Variants in RASSF3 observed in about 807,000 individuals in gnomAD.
RASSF3 encodes Ras association domain family member 3.
RASSF3 carries 19 observed loss-of-function variants against 19.9 expected under a neutral mutation model. The ratio of observed to expected loss-of-function variants is 0.96; its 90% CI spans 0.67 to 1.40. RASSF3 has a LOEUF of 1.40. Among genes scored for constraint, RASSF3 ranks in the 40% most tolerant of loss-of-function variants. The probability of loss-of-function intolerance (pLI) is 0.00; values close to 1 mark genes in which losing one functional copy is unlikely to be tolerated. For missense variants in RASSF3, 306 were observed against 289.8 expected, an observed-to-expected ratio of 1.06 and a Z score of -0.41; for synonymous variants, 110 against 104.2, an observed-to-expected ratio of 1.06 and a Z score of -0.34.
chr12:64,682,449 C>T (rs1463495668), intron 1 of RASSF3, among the ~76,000 whole-genome samples: 1 of 152,002 alleles, frequency 6.6e-6, no homozygotes, highest in East Asian at 1.9e-4. Flanking sequence ...CGCCTGTAGT[C>T]CCAGCTACTC....
chr12:64,516,542 C>T (rs1868369152), intron 1 of RASSF3, among the ~76,000 whole-genome samples: 1 of 149,812 alleles, frequency 6.7e-6, no homozygotes, highest in South Asian at 2.1e-4. Flanking sequence ...TGGCGTGAAC[C>T]CGGGAGGCGG....
intron 2 of RASSF3, among the ~76,000 whole-genome samples, chr12:64,603,120 G>C (rs1870125190): frequency 6.6e-6 from 1 of 151,826 alleles, no homozygotes; most frequent in Admixed American, 6.6e-5. Context: ...AAAAAAAAGA[G>C]TTGGGAGTGT....
At chr12:64,615,800 A>C (rs1285929382) in intron 1 of RASSF3, among the ~76,000 whole-genome samples, 1 of 151,392 alleles carries the variant, frequency 6.6e-6, no homozygotes, top group Non-Finnish European at 1.5e-5. Context: ...CAGCCTCCCG[A>C]GTAGCTGGGA....
At chr12:64,575,268 A>G (rs1592405403) in intron 2 of RASSF3, among the ~76,000 whole-genome samples, 1 of 152,318 alleles carries the variant, frequency 6.6e-6, no homozygotes, top group East Asian at 1.9e-4. Context: ...TAAATATAAC[A>G]TCTGGCTGGG....
At chr12:64,651,039 C>G (rs1234611211) in intron 1 of RASSF3, among the ~76,000 whole-genome samples, 3 of 152,104 alleles carry the variant, frequency 2.0e-5, no homozygotes. Context: ...TGCTTGGCTG[C>G]ATTTGATATA....
chr12:64,620,590 T>G (rs1054831899), intron 1 of RASSF3, among the ~76,000 whole-genome samples: 3 of 152,208 alleles, frequency 2.0e-5, no homozygotes, highest in Non-Finnish European at 4.4e-5. Context: ...TCAGCTGTCA[T>G]TTTGTTGTCT....
intron 1 of RASSF3, among the ~76,000 whole-genome samples, chr12:64,539,425 A>T (rs1868897204): frequency 6.6e-6 from 1 of 152,224 alleles, no homozygotes; most frequent in South Asian, 2.1e-4. Flanking sequence ...TGGGGGACAC[A>T]TTCAAACCAT....
intron 1 of RASSF3, among the ~76,000 whole-genome samples, chr12:64,512,295 CT>C (rs1868333043): frequency 6.6e-6 from 1 of 152,152 alleles, no homozygotes; most frequent in African/African-American, 2.4e-5. Flanking sequence ...ATCACAAAAT[CT>C]GTTCTATATT....
At chr12:64,533,891 T>G (rs1435398472) in intron 1 of RASSF3, among the ~76,000 whole-genome samples, 1 of 152,212 alleles carries the variant, frequency 6.6e-6, no homozygotes, top group African/African-American at 2.4e-5. Flanking sequence ...TTGGTAGAGC[T>G]TGGGGCTTCC....
intron 2 of RASSF3, among the ~76,000 whole-genome samples, chr12:64,555,081 T>C (rs1287230341): frequency 6.6e-6 from 1 of 151,896 alleles, no homozygotes; most frequent in Non-Finnish European, 1.5e-5. Context: ...CCGTCTTTAC[T>C]AAAAATACAA....
rs1487794414 is a variant in RASSF3 at position 64,572,862 on chromosome 12, T to G, written c.294+31157T>G. Reference sequence around the variant, plus strand: ...ACCATTAATTGAACATCTATTTTTGTTATGTTAGAGAATTCAAAGGTCGAT... The same window carrying G: ...ACCATTAATTGAACATCTATTTTTGGTATGTTAGAGAATTCAAAGGTCGAT... On this transcript the variant is annotated intron_variant, in intron 2 of 5. Transcript: ENST00000637125. Among the ~76,000 whole-genome samples the G allele has an allele frequency of 2.0e-5, 3 of 152,166 alleles. No individual in the cohort carries two copies. The South Asian group carries it at 6.2e-4, about 32-fold the overall frequency.
intron 1 of RASSF3, among the ~76,000 whole-genome samples, chr12:64,640,920 A>G (rs1018248163): frequency 4.0e-5 from 6 of 151,648 alleles, no homozygotes; most frequent in African/African-American, 1.5e-4. Flanking sequence ...GGGAGGTCTC[A>G]CTCCCAGCCT....
At chr12:64,622,545 G>A (rs540698062) in intron 1 of RASSF3, 7 of 519,258 alleles carry the variant, frequency 1.3e-5, no homozygotes, top group Middle Eastern at 6.8e-4. Flanking sequence ...AAGTAATTGC[G>A]GTTTTTGCCA....
At chr12:64,684,442 T>G (rs868379316) in intron 1 of RASSF3, among the ~76,000 whole-genome samples, 21 of 150,318 alleles carry the variant, frequency 1.4e-4, no homozygotes, top group Middle Eastern at 3.4e-3. Flanking sequence ...TTTGTTTTTT[T>G]TTTTTGAGAC....
intron 1 of RASSF3, among the ~76,000 whole-genome samples, chr12:64,669,437 T>G (rs888057555): frequency 6.6e-6 from 1 of 152,034 alleles, no homozygotes; most frequent in Non-Finnish European, 1.5e-5. Context: ...AGGCAGGGCA[T>G]ATCCTGTGTT....
intron 2 of RASSF3, among the ~76,000 whole-genome samples, chr12:64,603,065 C>T (rs1031051354): frequency 6.6e-6 from 1 of 151,662 alleles, no homozygotes; most frequent in African/African-American, 2.4e-5. Context: ...TACTGCTGCA[C>T]TTCAGTCTGG....
chr12:64,687,905 C>A (rs1873419536), intron 2 of RASSF3, among the ~76,000 whole-genome samples: 1 of 152,146 alleles, frequency 6.6e-6, no homozygotes, highest in Middle Eastern at 3.2e-3. Flanking sequence ...TGTAACCTCG[C>A]AAATGGACCC....
intron 1 of RASSF3, among the ~76,000 whole-genome samples, chr12:64,522,738 T>C (rs907502146): frequency 6.6e-6 from 1 of 152,166 alleles, no homozygotes; most frequent in Admixed American, 6.5e-5. Context: ...CTTTTGGCTA[T>C]TGTCATAGCC....
chr12:64,510,948 T>G (rs1868324484), intron 1 of RASSF3, among the ~76,000 whole-genome samples: 1 of 152,216 alleles, frequency 6.6e-6, no homozygotes, highest in Non-Finnish European at 1.5e-5. Context: ...GAGTCAGACC[T>G]GGCTTGTGCT....
Sources: gnomAD v4.1 joint callset for allele counts (sites outside exome capture counted in the v4.1 genomes callset) on GRCh38, gnomAD v4.1.1 for gene constraint, MANE v1.5 for transcripts, NCBI Gene and HGNC (gene_info 2026-07-23, HGNC 2026-07-21) for gene names.